Variants in RPS6KA5 observed in about 807,000 individuals in gnomAD.
RPS6KA5 encodes ribosomal protein S6 kinase A5, also known as ribosomal protein S6 kinase alpha-5.
In RPS6KA5, 27 loss-of-function variants were observed where a neutral mutation model predicts 85.5. The observed-to-expected ratio is 0.32, with a 90% CI of 0.23 to 0.44. The LOEUF (loss-of-function observed/expected upper bound fraction) is 0.44. Among genes scored for constraint, RPS6KA5 ranks in the 20% least tolerant of loss-of-function variants. The probability of loss-of-function intolerance (pLI) is 1.00; values close to 1 mark genes in which losing one functional copy is unlikely to be tolerated. For missense variants in RPS6KA5, 811 were observed against 980.9 expected (o/e 0.83, Z 2.31); for synonymous variants, 334 against 348.2 (o/e 0.96, Z 0.46).
rs2032737897 is a variant in RPS6KA5, at chr14:90,864,981, T to C, written c.*7093A>G. 1.3e-5 allele frequency: 2 copies of C among 152,256 alleles called. No individual in the cohort carries two copies. Among genetic ancestry groups the C allele is most frequent in the African/African-American group, 4.8e-5 (2 of 41,462 alleles). 9.4% of individuals were successfully genotyped at this position (152,256 alleles called of 1,614,324 possible). A position where few individuals can be genotyped will look rare whatever the true frequency, so the allele number is the denominator to read the frequency against. ...GTGGGTATGTAAATTGGTACAACCA[T>C]TGTTGAAAACCATTTGGTAATATCT... On this transcript the variant is annotated 3_prime_UTR_variant, in exon 17 of 17. Coordinates refer to ENST00000614987, the MANE Select transcript of RPS6KA5 (RefSeq NM_004755.4).
chr14:90,952,297 G>A (rs985943356), intron 3 of RPS6KA5, among the ~76,000 whole-genome samples: 3 of 152,162 alleles, frequency 2.0e-5, no homozygotes, highest in South Asian at 2.1e-4. Context: ...ATTAACTCCC[G>A]TTTTGACTCC....
At position 90,906,311 on chromosome 14, in the gene RPS6KA5, C is replaced by T. The variant is rs777052997; in HGVS notation, c.807-12G>A. On this transcript the variant is annotated splice_polypyrimidine_tract_variant and intron_variant, in intron 7 of 16. Transcript: ENST00000614987. ...TTTTTAATATTCTCCTGTAGGCAGA[C>T]AAAACTTGCTGTTAAAACAAACAGG... 13 of 1,434,762 alleles carry T rather than the reference C, an allele frequency of 9.1e-6. No individual in the cohort carries two copies. The highest frequency in any genetic ancestry group is 1.5e-5 in the African/African-American group (1 of 64,914). 88.9% of individuals were successfully genotyped at this position (1,434,762 alleles called of 1,614,324 possible).
intron 1 of RPS6KA5, among the ~76,000 whole-genome samples, chr14:91,034,151 A>C (rs2042303052): frequency 6.6e-6 from 1 of 152,004 alleles, no homozygotes; most frequent in South Asian, 2.1e-4. Flanking sequence ...AAAAATACAA[A>C]AAAATTTGCT....
intron 4 of RPS6KA5, among the ~76,000 whole-genome samples, chr14:90,944,584 C>A (rs1007953579): frequency 3.3e-5 from 5 of 151,956 alleles, no homozygotes; most frequent in African/African-American, 1.2e-4. Flanking sequence ...GGAGAAACCC[C>A]GACTCTACTA....
In RPS6KA5 at chr14:91,045,438, A is replaced by G. The variant is rs557618808; in HGVS notation, c.103+14894T>C. On this transcript the variant is annotated intron_variant, in intron 1 of 16. Coordinates refer to ENST00000614987, the MANE Select transcript of RPS6KA5 (RefSeq NM_004755.4). ...GCCATCATGCCTGGCTAATTTTTGTATTTTTAGTAGAGATGGGGTTTCGCC... is the reference window on the plus strand; with the variant it reads ...GCCATCATGCCTGGCTAATTTTTGTGTTTTTAGTAGAGATGGGGTTTCGCC... Among the ~76,000 whole-genome samples the G allele has an allele frequency of 1.1e-4, 17 of 152,068 alleles. No individual in the cohort carries two copies. In the East Asian group the frequency reaches 3.1e-3, roughly 28 times the overall value.
intron 3 of RPS6KA5, among the ~76,000 whole-genome samples, chr14:90,958,914 T>C (rs1051457251): frequency 6.6e-6 from 1 of 151,922 alleles, no homozygotes. Flanking sequence ...ATAAGGATGG[T>C]TAGTATAGGC....
At position 90,867,294 on chromosome 14, in the gene RPS6KA5, T is replaced by C. The variant is rs1393152335; in HGVS notation, c.*4780A>G. On this transcript the variant is annotated 3_prime_UTR_variant, in exon 17 of 17. Transcript: ENST00000614987. ...ATATTAAGAAAATTTAAAACGTAAA[T>C]GAAAAAACTGCTTAATGTGGCAAGG... is the stretch of plus-strand genomic sequence containing the variant. The C allele has an allele frequency of 6.6e-6, 1 of 152,044 alleles. No individual in the cohort carries two copies. The highest frequency in any genetic ancestry group is 2.4e-5 in the African/African-American group (1 of 41,408). The allele number at this position is 152,044 out of a possible 1,614,324, so 9.4% of individuals were successfully genotyped here.
At position 90,950,082 on chromosome 14, in the gene RPS6KA5, T is replaced by C. The variant is rs530120905; in HGVS notation, c.395-2532A>G. 4.6e-5 allele frequency among the ~76,000 whole-genome samples: 7 copies of C among 152,342 alleles called. No individual in the cohort carries two copies. The South Asian group carries it at 1.5e-3, about 32-fold the overall frequency. ...AATCCACGAACATGGGGGATGGCTTTCCATTTATTTAGGTCTTCTTTCATT... is the reference window on the plus strand; with the variant it reads ...AATCCACGAACATGGGGGATGGCTTCCCATTTATTTAGGTCTTCTTTCATT... On this transcript the variant is annotated intron_variant, in intron 3 of 16. Coordinates refer to ENST00000614987, the MANE Select transcript of RPS6KA5 (RefSeq NM_004755.4).
intron 5 of RPS6KA5, among the ~76,000 whole-genome samples, chr14:90,941,078 T>C (rs1186859101): frequency 2.6e-5 from 4 of 152,194 alleles, no homozygotes; most frequent in Non-Finnish European, 5.9e-5. Context: ...AATCTCTCTA[T>C]GCAGGGGGAG....
intron 3 of RPS6KA5, among the ~76,000 whole-genome samples, chr14:90,962,855 G>A (rs549993015): frequency 1.3e-5 from 2 of 152,096 alleles, no homozygotes; most frequent in African/African-American, 2.4e-5. Context: ...CTGAGAATAC[G>A]TTGGAGATAT....
At chr14:90,889,822 G>A (rs1321397797) in intron 14 of RPS6KA5, among the ~76,000 whole-genome samples, 5 of 152,092 alleles carry the variant, frequency 3.3e-5, no homozygotes, top group Non-Finnish European at 7.4e-5. Context: ...AGAGCTTGAG[G>A]TATATCACTT....
At chr14:90,891,173 T>C (rs1341553641) in intron 13 of RPS6KA5, among the ~76,000 whole-genome samples, 2 of 151,760 alleles carry the variant, frequency 1.3e-5, no homozygotes, top group Non-Finnish European at 2.9e-5. Context: ...GTGTCTACCT[T>C]ATTTTTGACC....
intron 3 of RPS6KA5, among the ~76,000 whole-genome samples, chr14:90,976,524 T>C (rs1166706157): frequency 1.3e-5 from 2 of 152,192 alleles, no homozygotes; most frequent in Non-Finnish European, 2.9e-5. Flanking sequence ...AATTTCTGTG[T>C]GTTCATTTGA....
At chr14:90,914,273 T>C (rs1207411163) in intron 7 of RPS6KA5, among the ~76,000 whole-genome samples, 1 of 148,630 alleles carries the variant, frequency 6.7e-6, no homozygotes, top group Non-Finnish European at 1.5e-5. Flanking sequence ...ATGTTTCTGA[T>C]GGACCTTTTC....
At chr14:91,037,413 CT>C (rs1357315365) in intron 1 of RPS6KA5, among the ~76,000 whole-genome samples, 1 of 152,222 alleles carries the variant, frequency 6.6e-6, no homozygotes, top group Non-Finnish European at 1.5e-5. Context: ...ACCATCTGGC[CT>C]ATGCCATTCC....
rs553974387 is a variant in RPS6KA5, at chr14:90,890,929, C to T, written c.1645-251G>A. Among the ~76,000 whole-genome samples, 15 of 152,176 alleles carry T rather than the reference C, an allele frequency of 9.9e-5. No homozygotes were observed. In the East Asian group the frequency reaches 2.9e-3, roughly 29 times the overall value. ...CCTCTTCTGATGTCAGACCCTTTTT[C>T]TAAGCTTTTCCCTCTGCTTGTGTTT... On this transcript the variant is annotated intron_variant, in intron 13 of 16. Coordinates refer to ENST00000614987, the MANE Select transcript of RPS6KA5 (RefSeq NM_004755.4).
intron 1 of RPS6KA5, among the ~76,000 whole-genome samples, chr14:91,031,311 C>T (rs1258437609): frequency 6.6e-6 from 1 of 152,078 alleles, no homozygotes; most frequent in Non-Finnish European, 1.5e-5. Flanking sequence ...ATTTTAATAT[C>T]TGAAAAAGCT....
At chr14:91,017,265 G>T (rs574689355) in intron 1 of RPS6KA5, among the ~76,000 whole-genome samples, 43 of 152,280 alleles carry the variant, frequency 2.8e-4, no homozygotes, top group Non-Finnish European at 5.4e-4. Context: ...TCATGGAAGG[G>T]GCAGTGTTTT....
At chr14:90,924,868 G>C (rs899921917) in intron 5 of RPS6KA5, among the ~76,000 whole-genome samples, 2 of 152,160 alleles carry the variant, frequency 1.3e-5, no homozygotes, top group Non-Finnish European at 2.9e-5. Flanking sequence ...TCTCAATAAA[G>C]ACTCTGATGA....
Sources: allele counts gnomAD v4.1 joint callset (sites outside exome capture counted in the v4.1 genomes callset), GRCh38; gene constraint gnomAD v4.1.1; transcripts MANE v1.5; gene names NCBI Gene and HGNC (gene_info 2026-07-23, HGNC 2026-07-21).